Variants in CIMAP1C observed in about 807,000 individuals in gnomAD.
The protein encoded by CIMAP1C is outer dense fiber of sperm tails 3 like 1.
At chr15:75,726,211 T>G in the CIMAP1C span, 7 of 1,236,446 alleles carry the variant, frequency 5.7e-6, no homozygotes, top group East Asian at 2.5e-5. Flanking sequence ...GGTTGGGAGG[T>G]TGGGGGGTGG....
the CIMAP1C span, chr15:75,725,912 T>C: frequency 1.6e-6 from 1 of 610,766 alleles, no homozygotes; most frequent in Non-Finnish European, 3.0e-6. Context: ...AAAAGTCCCA[T>C]TTTACAGATG....
chr15:75,727,580 A>G, the CIMAP1C span: 2 of 1,514,918 alleles, frequency 1.3e-6, no homozygotes, highest in African/African-American at 1.4e-5. Flanking sequence ...ATCCCCAGAA[A>G]TTATTTTTCT....
chr15:75,726,378 C>T, the CIMAP1C span, among the ~76,000 whole-genome samples: 3 of 152,270 alleles, frequency 2.0e-5, no homozygotes, highest in South Asian at 2.1e-4. Context: ...CACCAGGTGA[C>T]GTTATGATGA....
the CIMAP1C span, chr15:75,725,048 G>C: frequency 8.7e-7 from 1 of 1,144,502 alleles, no homozygotes; most frequent in Non-Finnish European, 1.3e-6. Context: ...CTGTACTGGG[G>C]CTTCCCCTGC....
At chr15:75,725,189 A>T in the CIMAP1C span, 3 of 1,613,806 alleles carry the variant, frequency 1.9e-6, no homozygotes, top group Non-Finnish European at 1.7e-6. Flanking sequence ...GCACCAGCTT[A>T]TACCCTGCAT....
the CIMAP1C span, chr15:75,727,084 C>T: frequency 6.2e-7 from 1 of 1,613,532 alleles, no homozygotes; most frequent in Non-Finnish European, 8.5e-7. Flanking sequence ...TCGCATCCTG[C>T]CAGTACTACT....
chr15:75,727,331 C>G, the CIMAP1C span: 25 of 1,614,006 alleles, frequency 1.5e-5, no homozygotes, highest in Non-Finnish European at 2.0e-5. Context: ...CACGTACGCC[C>G]GACCTGAGCC....
chr15:75,724,332 C>T, the CIMAP1C span: 1 of 1,574,220 alleles, frequency 6.4e-7, no homozygotes, highest in Non-Finnish European at 8.7e-7. Flanking sequence ...GAGCCATCCC[C>T]ACCCTGGGCT....
At chr15:75,725,234 C>A in the CIMAP1C span, 2 of 1,558,506 alleles carry the variant, frequency 1.3e-6, no homozygotes, top group Middle Eastern at 1.7e-4. Context: ...CGTTGCCACC[C>A]CAGTCATCCG....
At chr15:75,724,235 C>A in the CIMAP1C span, 1 of 1,614,160 alleles carries the variant, frequency 6.2e-7, no homozygotes, top group Non-Finnish European at 8.5e-7. Flanking sequence ...GCTCTGTGTA[C>A]TTTGCACAGC....
At chr15:75,726,244 A>G in the CIMAP1C span, 1 of 933,772 alleles carries the variant, frequency 1.1e-6, no homozygotes, top group South Asian at 1.5e-5. Flanking sequence ...GGACCTGGGC[A>G]GGGGCAAAGG....
At chr15:75,724,959 C>T in the CIMAP1C span, 7 of 588,964 alleles carry the variant, frequency 1.2e-5, no homozygotes, top group Non-Finnish European at 2.1e-5. Flanking sequence ...TTCCCCCAAA[C>T]GAAGCAGCTG....
chr15:75,724,214 G>A, the CIMAP1C span: 85 of 1,613,836 alleles, frequency 5.3e-5, 1 homozygote, highest in South Asian at 8.6e-4. Context: ...AACTGCCCAA[G>A]GGGACCAGGA....
At chr15:75,727,320 C>G in the CIMAP1C span, 19 of 1,614,026 alleles carry the variant, frequency 1.2e-5, no homozygotes, top group Admixed American at 3.3e-5. Context: ...CCTGGACCTA[C>G]CACGTACGCC....
chr15:75,727,677 C>A, the CIMAP1C span: 2 of 891,726 alleles, frequency 2.2e-6, no homozygotes, highest in Non-Finnish European at 3.4e-6. Context: ...ATTAGAGATA[C>A]ATTTTCATGT....
the CIMAP1C span, chr15:75,726,116 G>A: frequency 6.2e-7 from 1 of 1,612,278 alleles, no homozygotes; most frequent in Admixed American, 1.7e-5. Context: ...AAATAACTCG[G>A]TTTGGAATGT....
chr15:75,726,141 G>T, the CIMAP1C span: 1 of 1,613,344 alleles, frequency 6.2e-7, no homozygotes, highest in African/African-American at 1.3e-5. Context: ...CTGCCCGCAG[G>T]TCCCCATGGA....
At chr15:75,725,846 A>T in the CIMAP1C span, among the ~76,000 whole-genome samples, 1 of 152,206 alleles carries the variant, frequency 6.6e-6, no homozygotes, top group South Asian at 2.1e-4. Context: ...GCTGCTGGGC[A>T]GCTGTTATTT....
the CIMAP1C span, chr15:75,724,080 T>C: frequency 1.5e-5 from 10 of 680,006 alleles, no homozygotes; most frequent in South Asian, 1.2e-4. Context: ...CTGTCTTCCT[T>C]CCCAGCTTCC....
Sources: gnomAD v4.1 joint callset for allele counts (sites outside exome capture counted in the v4.1 genomes callset) on GRCh38, gnomAD v4.1.1 for gene constraint, MANE v1.5 for transcripts, NCBI Gene and HGNC (gene_info 2026-07-23, HGNC 2026-07-21) for gene names.